ASIC2: variants seen among roughly 807,000 people sequenced by gnomAD.
ASIC2 encodes the protein acid-sensing ion channel 2.
A neutral mutation model predicts 57.3 loss-of-function variants in ASIC2; 25 were observed. The observed-to-expected ratio is 0.44, with a 90% CI of 0.32 to 0.61. ASIC2 has a LOEUF of 0.61. ASIC2 is among the 20% of genes least tolerant of loss of function. The pLI, the probability that ASIC2 is intolerant of heterozygous loss-of-function variation, is 0.06. For synonymous variants in ASIC2, 319 were observed against 307.5 expected (o/e 1.04, Z -0.39); for missense variants, 641 against 738.1 (o/e 0.87, Z 1.52).
intron 1 of ASIC2, among the ~76,000 whole-genome samples, chr17:33,385,014 T>C (rs1241819691): frequency 1.3e-5 from 2 of 152,216 alleles, no homozygotes; most frequent in Non-Finnish European, 2.9e-5. Flanking sequence ...ATTTCTCTCC[T>C]TTATTAGCTG....
chr17:34,146,201 C>G (rs1912412867), intron 1 of ASIC2, among the ~76,000 whole-genome samples: 1 of 152,140 alleles, frequency 6.6e-6, no homozygotes, highest in African/African-American at 2.4e-5. Flanking sequence ...ATGAGGGCCA[C>G]CCTTGGGAAT....
intron 1 of ASIC2, among the ~76,000 whole-genome samples, chr17:33,642,217 C>CA (rs1486863038): frequency 4.0e-5 from 6 of 150,340 alleles, no homozygotes; most frequent in African/African-American, 1.5e-4. Context: ...ACCCCCCCCC[C>CA]CCCCACACAC....
chr17:33,051,840 G>A (rs1186164995), intron 3 of ASIC2, among the ~76,000 whole-genome samples: 1 of 152,216 alleles, frequency 6.6e-6, no homozygotes, highest in South Asian at 2.1e-4. Flanking sequence ...AATCCAGTCT[G>A]TGAAATTCAC....
chr17:33,882,405 A>T (rs1375805776), intron 1 of ASIC2, among the ~76,000 whole-genome samples: 1 of 152,180 alleles, frequency 6.6e-6, no homozygotes, highest in Non-Finnish European at 1.5e-5. Context: ...AACTCAAACA[A>T]ATTTACAAGA....
At chr17:33,916,770 GA>G (rs1185420108) in intron 1 of ASIC2, among the ~76,000 whole-genome samples, 1 of 152,200 alleles carries the variant, frequency 6.6e-6, no homozygotes, top group African/African-American at 2.4e-5. Context: ...ACTAGCAGAG[GA>G]GTGAAAGTCA....
intron 1 of ASIC2, among the ~76,000 whole-genome samples, chr17:33,747,008 C>T (rs1910287547): frequency 6.6e-6 from 1 of 152,120 alleles, no homozygotes; most frequent in African/African-American, 2.4e-5. Flanking sequence ...TAAATAAAGA[C>T]ACAAGATACA....
chr17:34,116,833 G>A (rs561719764), intron 1 of ASIC2, among the ~76,000 whole-genome samples: 137 of 152,156 alleles, frequency 9.0e-4, no homozygotes, highest in African/African-American at 3.2e-3. Flanking sequence ...CTGAGACTCC[G>A]ATACCTTTTG....
intron 1 of ASIC2, among the ~76,000 whole-genome samples, chr17:33,799,443 T>TTTC (rs1555562531): frequency 0.13 from 9,841 of 76,550 alleles, 634 homozygotes; most frequent in Non-Finnish European, 0.18. Flanking sequence ...TCTTTCTTTC[T>TTTC]TTCTTTCTTT....
At chr17:33,352,911 T>C (rs541684137) in intron 1 of ASIC2, among the ~76,000 whole-genome samples, 10 of 152,220 alleles carry the variant, frequency 6.6e-5, no homozygotes, top group African/African-American at 2.4e-4. Flanking sequence ...CCTCCCTCAT[T>C]CTTCAAGGTT....
At chr17:33,096,492 G>T (rs937069123) in intron 2 of ASIC2, among the ~76,000 whole-genome samples, 1 of 152,208 alleles carries the variant, frequency 6.6e-6, no homozygotes, top group African/African-American at 2.4e-5. Context: ...CTGCCTCCAA[G>T]CGTGTTTCTG....
intron 1 of ASIC2, among the ~76,000 whole-genome samples, chr17:33,719,794 C>G (rs1909332137): frequency 1.3e-5 from 2 of 152,184 alleles, no homozygotes; most frequent in Non-Finnish European, 2.9e-5. Flanking sequence ...TATTGCCCTT[C>G]CTATCCCAAA....
intron 1 of ASIC2, among the ~76,000 whole-genome samples, chr17:33,847,663 T>A (rs1444826623): frequency 6.6e-6 from 1 of 151,986 alleles, no homozygotes; most frequent in Admixed American, 6.6e-5. Context: ...TCCTTGAGAG[T>A]CTTCTGCATG....
chr17:33,465,749 T>C (rs1025795102), intron 1 of ASIC2, among the ~76,000 whole-genome samples: 1 of 152,174 alleles, frequency 6.6e-6, no homozygotes, highest in African/African-American at 2.4e-5. Flanking sequence ...GAATGAATGA[T>C]TTGGAATCTG....
At chr17:34,002,361 C>T (rs1229129192) in intron 1 of ASIC2, 3 of 152,234 alleles carry the variant, frequency 2.0e-5, no homozygotes, top group African/African-American at 7.2e-5. Flanking sequence ...TCTTGCATTC[C>T]ATCCCAGAAG....
At chr17:33,898,617 C>T (rs1915162280) in intron 1 of ASIC2, among the ~76,000 whole-genome samples, 1 of 152,170 alleles carries the variant, frequency 6.6e-6, no homozygotes, top group African/African-American at 2.4e-5. Context: ...ATTAACTAAA[C>T]TATTGATCTC....
chr17:33,317,109 C>T (rs1906688241), intron 1 of ASIC2, among the ~76,000 whole-genome samples: 1 of 152,230 alleles, frequency 6.6e-6, no homozygotes. Flanking sequence ...CTTGCCTTAA[C>T]AGTTATAGGC....
chr17:33,125,112 C>T (rs1007704431), intron 1 of ASIC2, among the ~76,000 whole-genome samples: 2 of 152,218 alleles, frequency 1.3e-5, no homozygotes, highest in Non-Finnish European at 2.9e-5. Context: ...GCCCAGTTCC[C>T]AACAAGCTGG....
intron 1 of ASIC2, among the ~76,000 whole-genome samples, chr17:34,148,505 T>C (rs1264308313): frequency 2.6e-5 from 4 of 152,204 alleles, no homozygotes; most frequent in Admixed American, 2.6e-4. Context: ...TGAAAAATCA[T>C]CTATTTTGCA....
rs987164808 is a variant in ASIC2, at chr17:33,851,740, A to C, written c.555+304238T>G. On this transcript the variant is annotated intron_variant, in intron 1 of 9. Coordinates refer to the ASIC2 transcript ENST00000359872. ...GTATCCCCAGTTGTGACAGCCAAAA[A>C]TGTTTCCAAGATGTTGCCATATGTC... 3.9e-5 allele frequency among the ~76,000 whole-genome samples: 6 copies of C among 152,304 alleles called. No homozygotes were observed. In the South Asian group the frequency reaches 6.2e-4, roughly 16 times the overall value.
Sources: allele counts gnomAD v4.1 joint callset (sites outside exome capture counted in the v4.1 genomes callset), GRCh38; gene constraint gnomAD v4.1.1; transcripts MANE v1.5; gene names NCBI Gene and HGNC (gene_info 2026-07-23, HGNC 2026-07-21).